The following ZBED1 variants were observed in gnomAD, a reference collection of about 807,000 sequenced individuals.
ZBED1 encodes E3 SUMO-protein ligase ZBED1.
Under a neutral mutation model 49.7 loss-of-function variants are expected in ZBED1, and 19 were observed. The ratio of observed to expected loss-of-function variants is 0.38; its 90% CI spans 0.27 to 0.56. The LOEUF is 0.56. ZBED1 is among the 20% of genes least tolerant of loss of function. The probability of loss-of-function intolerance (pLI) is 0.70; values close to 1 mark genes in which losing one functional copy is unlikely to be tolerated. For missense variants in ZBED1, 806 were observed against 972.6 expected (o/e 0.83, Z 2.28); for synonymous variants, 439 against 440.3 (o/e 1.00, Z 0.04).
At chrX:2,496,179 T>C (rs1190859527) in intron 1 of ZBED1, among the ~76,000 whole-genome samples, 1 of 151,802 alleles carries the variant, frequency 6.6e-6, no homozygotes, top group African/African-American at 2.4e-5. Context: ...AAGAGGTTTT[T>C]ATTTTTGTTT....
At chrX:2,491,915 A>G (rs2045158236) in intron 1 of ZBED1, among the ~76,000 whole-genome samples, 1 of 152,192 alleles carries the variant, frequency 6.6e-6, no homozygotes, top group Non-Finnish European at 1.5e-5. Flanking sequence ...AGGCCCTTCC[A>G]GCTGCCACTC....
At position 2,486,780 on chromosome X, in the gene ZBED1, TAAAA is replaced by T. The variant is rs1415731072; in HGVS notation, c.*1851_*1854del. 1 of 152,250 alleles carries T rather than the reference TAAAA, an allele frequency of 6.6e-6. No homozygotes were observed. Among genetic ancestry groups the T allele is most frequent in the Non-Finnish European group, 1.5e-5 (1 of 68,056 alleles). The allele number at this position is 152,250 out of a possible 1,614,324, so 9.4% of individuals were successfully genotyped here. A position where few individuals can be genotyped will look rare whatever the true frequency, so the allele number is the denominator to read the frequency against. On this transcript the variant is annotated 3_prime_UTR_variant, in exon 2 of 2. Transcript: ENST00000652001. ...AAGTTCACGGCGGAACCGCTTCCCT[TAAAA>T]AGAAAGCAAAGGTTACGTGGATTTC...
chrX:2,493,575 A>G (rs957755380), intron 1 of ZBED1, among the ~76,000 whole-genome samples: 3 of 152,026 alleles, frequency 2.0e-5, no homozygotes, highest in Admixed American at 6.6e-5. Flanking sequence ...TTAGGCTGGA[A>G]GAGGTCCCAG....
chrX:2,489,754 G>T lies in ZBED1; in HGVS notation c.966C>A (p.Phe322Leu). 1.2e-6 allele frequency: 2 copies of T among 1,613,316 alleles called. No individual in the cohort carries two copies. The highest frequency in any genetic ancestry group is 1.7e-6 in the Non-Finnish European group (2 of 1,179,870). ...TGTACATGGCCACGGCAGACTGCTG[G>T]AAGTACTCCACCAGTTTGCGGCAGC... ...LSRCRKLVEY[F>L]QQSAVAMYML... The change falls in exon 2 of 2, where the codon TTC becomes TTA. Residue 322 changes from phenylalanine to leucine, a missense_variant. Transcript: ENST00000652001.
chrX:2,489,751 C>A lies in ZBED1; in HGVS notation c.969G>T (p.Gln323His). The A allele has an allele frequency of 6.2e-7, 1 of 1,613,318 alleles. No homozygotes were observed. Among genetic ancestry groups the A allele is most frequent in the Non-Finnish European group, 8.5e-7 (1 of 1,179,864 alleles). The change falls in exon 2 of 2, where the codon CAG (glutamine) becomes CAT (histidine). Residue 323 changes from glutamine to histidine, a missense_variant. Around this residue, in one of 2 missense-constraint regions of ZBED1, gnomAD observed 749 missense variants for 861.3 expected, o/e 0.87. Transcript: ENST00000652001. ...SRCRKLVEYFQQSAVAMYMLY... is the reference protein window; with the variant it reads ...SRCRKLVEYFHQSAVAMYMLY... ...GCATGTACATGGCCACGGCAGACTG[C>A]TGGAAGTACTCCACCAGTTTGCGGC...
chrX:2,488,472 A>C lies in ZBED1; in HGVS notation c.*163T>G. ...TTATAGACAGGAGCCACCGCCCCCG[A>C]CCCTCTCTCACTTCTCAAATCTCTT... On this transcript the variant is annotated 3_prime_UTR_variant, in exon 2 of 2. Transcript: ENST00000652001. The C allele has an allele frequency of 2.0e-6, 2 of 975,926 alleles. No individual in the cohort carries two copies. The highest frequency in any genetic ancestry group is 2.9e-6 in the Non-Finnish European group (2 of 683,512). The allele number at this position is 975,926 out of a possible 1,614,324, so 60.5% of individuals were successfully genotyped here.
chrX:2,494,495 A>G (rs2045233873), intron 1 of ZBED1, among the ~76,000 whole-genome samples: 1 of 151,934 alleles, frequency 6.6e-6, no homozygotes, highest in Non-Finnish European at 1.5e-5. Context: ...CAGGACCTGT[A>G]GTAAAGGTTT....
At chrX:2,493,059 G>A (rs1196595125) in intron 1 of ZBED1, among the ~76,000 whole-genome samples, 1 of 152,242 alleles carries the variant, frequency 6.6e-6, no homozygotes, top group Non-Finnish European at 1.5e-5. Flanking sequence ...CCAGAGCCCA[G>A]CAGTGCCACT....
At chrX:2,498,197 G>C (rs1162376686) in intron 1 of ZBED1, among the ~76,000 whole-genome samples, 2 of 152,140 alleles carry the variant, frequency 1.3e-5, no homozygotes, top group African/African-American at 4.8e-5. Flanking sequence ...CATTTCCTTT[G>C]TACGATACCT....
In ZBED1 at chrX:2,489,530, A is replaced by G; in HGVS notation, c.1190T>C (p.Leu397Pro). The change falls in exon 2 of 2, where the codon CTG becomes CCG. Residue 397 changes from leucine (L) to proline (P), a missense_variant. Leu to Pro is a moderately conservative substitution (Grantham distance 98, BLOSUM62 -3). This residue lies in a region of ZBED1 where 749 missense variants were observed against 861.3 expected (regional missense o/e 0.87). Transcript: ENST00000652001. ...EASEWATIEGLVELLQPFKQV... is the reference protein window; with the variant it reads ...EASEWATIEGPVELLQPFKQV... The stretch of plus-strand genomic sequence containing the variant: ...CTTGAAGGGCTGCAGGAGCTCCACC[A>G]GCCCCTCGATGGTGGCCCACTCGCT... The G allele has an allele frequency of 1.2e-6, 2 of 1,612,962 alleles. No homozygotes were observed. The highest frequency in any genetic ancestry group is 2.2e-5 in the South Asian group (2 of 91,028).
intron 1 of ZBED1, among the ~76,000 whole-genome samples, chrX:2,495,665 T>C (rs746067881): frequency 2.6e-5 from 4 of 152,106 alleles, no homozygotes; most frequent in African/African-American, 9.6e-5. Flanking sequence ...TCCTCCTTCC[T>C]CCTCCCTTGC....
At position 2,490,333 on chromosome X, in the gene ZBED1, G is replaced by A. The variant is rs1339969798; in HGVS notation, c.387C>T (p.Ala129=). 3.1e-6 allele frequency: 5 copies of A among 1,613,202 alleles called. No homozygotes were observed. Among genetic ancestry groups the A allele is most frequent in the East Asian group, 2.2e-5 (1 of 44,874 alleles). The change falls in exon 2 of 2, where the codon GCC becomes GCT. Residue 129 remains alanine, a synonymous_variant. Coordinates refer to ENST00000652001, the MANE Select transcript of ZBED1 (RefSeq NM_001171136.2). ...GCCCCTCGCAGATGAGGCCCAGCAC[G>A]GCGGCCGTCAGCTCCTGCTGCTTCT... ...DSKKQQELTA[A]VLGLICEGLY... is the part of the protein sequence containing the mutation.
At chrX:2,499,563 G>C (rs1353730414) in intron 1 of ZBED1, among the ~76,000 whole-genome samples, 2 of 152,070 alleles carry the variant, frequency 1.3e-5, no homozygotes, top group African/African-American at 4.8e-5. Flanking sequence ...TGCAGGCCAG[G>C]GGTTCAAGAC....
chrX:2,493,697 C>G (rs5939493), intron 1 of ZBED1, among the ~76,000 whole-genome samples: 14,910 of 152,156 alleles, frequency 0.098, 911 homozygotes, highest in African/African-American at 0.17. Context: ...GCACCAGGCA[C>G]AGCGGCTCAC....
rs761629511 is a variant in ZBED1, at chrX:2,489,650, G to A, written c.1070C>T (p.Thr357Met). ...CTTGAGGCGCTGCAGCATGGCCAGC[G>A]TGCTCCCCCACCAGGAGACGCGGTT... ...VSNRVSWWGS[T>M]LAMLQRLKEQ... is the part of the protein sequence containing the mutation. The change falls in exon 2 of 2, where the codon ACG becomes ATG. Residue 357 changes from threonine to methionine, a missense_variant. By Grantham distance (81) the Thr-to-Met change is moderately conservative. Coordinates refer to ENST00000652001, the MANE Select transcript of ZBED1 (RefSeq NM_001171136.2). The A allele has an allele frequency of 1.1e-5, 18 of 1,612,296 alleles. No individual in the cohort carries two copies. The highest frequency in any genetic ancestry group is 4.0e-5 in the African/African-American group (3 of 74,882).
intron 1 of ZBED1, among the ~76,000 whole-genome samples, chrX:2,492,677 C>A (rs1260413911): frequency 6.7e-6 from 1 of 149,386 alleles, no homozygotes; most frequent in South Asian, 2.1e-4. Context: ...GAGACAGAGG[C>A]AGAGACTAGA....
At chrX:2,495,332 C>A (rs969003012) in intron 1 of ZBED1, among the ~76,000 whole-genome samples, 7 of 151,776 alleles carry the variant, frequency 4.6e-5, no homozygotes, top group African/African-American at 1.4e-4. Context: ...GCCCCAGTAC[C>A]ATGAACAAAG....
In ZBED1 at chrX:2,488,835, C is replaced by T; in HGVS notation, c.1885G>A (p.Val629Ile). ...ERLFGSAANV[V>I]SAKRNRLAPA... Reference sequence around the variant, plus strand: ...GCCAGCCGGTTCCTCTTGGCGCTGACCACGTTGGCGGCGGATCCGAAGAGA... The same window carrying T: ...GCCAGCCGGTTCCTCTTGGCGCTGATCACGTTGGCGGCGGATCCGAAGAGA... Residue 629 changes from valine (V) to isoleucine (I), a missense_variant, in exon 2 of 2, where the codon GTC becomes ATC. Around this residue, in one of 2 missense-constraint regions of ZBED1, gnomAD observed 749 missense variants for 861.3 expected, o/e 0.87. Coordinates refer to ENST00000652001, the MANE Select transcript of ZBED1 (RefSeq NM_001171136.2). 1.2e-6 allele frequency: 2 copies of T among 1,613,818 alleles called. No individual in the cohort carries two copies. Among genetic ancestry groups the T allele is most frequent in the South Asian group, 2.2e-5 (2 of 91,054 alleles).
Position 2,496,149 on chromosome X carries a change from A to G in ZBED1, c.-54+4668T>C, listed in dbSNP as rs4892842. ...TGGTGGCGATAGTTAATAGTGTATTACATATTTCAAAATAGCTAAAAGAGG... is the reference window on the plus strand; with the variant it reads ...TGGTGGCGATAGTTAATAGTGTATTGCATATTTCAAAATAGCTAAAAGAGG... On this transcript the variant is annotated intron_variant, in intron 1 of 1. Transcript: ENST00000652001. Among the ~76,000 whole-genome samples the G allele has an allele frequency of 8.8e-3, 1,334 of 152,320 alleles. 40 individuals carry two copies. Among genetic ancestry groups the G allele is most frequent in the East Asian group, 0.086 (447 of 5,192 alleles).
Sources: allele counts gnomAD v4.1 joint callset (sites outside exome capture counted in the v4.1 genomes callset), GRCh38; gene constraint gnomAD v4.1.1; regional missense constraint gnomAD v4.1.1; transcripts MANE v1.5; gene names NCBI Gene and HGNC (gene_info 2026-07-23, HGNC 2026-07-21).